IRGM: variants seen among roughly 807,000 people sequenced by gnomAD.
IRGM encodes the protein immunity related GTPase M.
For synonymous variants in IRGM, 98 were observed against 80.6 expected, an observed-to-expected ratio of 1.22 and a Z score of -1.16; for missense variants, 288 against 219.9, an observed-to-expected ratio of 1.31 and a Z score of -1.96.
intron 1 of IRGM, among the ~76,000 whole-genome samples, chr5:150,861,388 G>A (rs1754133829): frequency 6.6e-6 from 1 of 152,148 alleles, no homozygotes; most frequent in Non-Finnish European, 1.5e-5. Flanking sequence ...TCTTTTTAAG[G>A]CTTAGGACAG....
chr5:150,864,039 T>G (rs953605584), intron 1 of IRGM, among the ~76,000 whole-genome samples: 1 of 152,152 alleles, frequency 6.6e-6, no homozygotes, highest in Non-Finnish European at 1.5e-5. Flanking sequence ...TCTTAGCCCC[T>G]GGCTGTACTT....
At chr5:150,857,773 G>A (rs1411035466) in intron 1 of IRGM, among the ~76,000 whole-genome samples, 1 of 152,142 alleles carries the variant, frequency 6.6e-6, no homozygotes, top group African/African-American at 2.4e-5. Context: ...TTTTGATGGG[G>A]TTGTTTGTTT....
intron 3 of IRGM, chr5:150,897,387 CATCT>C (rs1255372818): frequency 1.3e-5 from 2 of 159,004 alleles, no homozygotes; most frequent in East Asian, 3.7e-4. Context: ...AACTCTCCTC[CATCT>C]ATTTTCCTAA....
At chr5:150,849,530 TTAAAAG>T (rs1185225523), downstream of IRGM, among the ~76,000 whole-genome samples, 1 of 152,068 alleles carries the variant, frequency 6.6e-6, no homozygotes, top group East Asian at 1.9e-4. Context: ...AATGTTTTAG[TTAAAAG>T]TAAAATGATC....
chr5:150,862,039 G>T (rs1336351340), intron 1 of IRGM, among the ~76,000 whole-genome samples: 2 of 152,218 alleles, frequency 1.3e-5, no homozygotes, highest in Admixed American at 1.3e-4. Context: ...CTATGATGAA[G>T]TTCCCAGCCA....
At chr5:150,867,823 ATTAT>A (rs1444667309) in intron 1 of IRGM, among the ~76,000 whole-genome samples, 1 of 147,436 alleles carries the variant, frequency 6.8e-6, no homozygotes, top group African/African-American at 2.6e-5. Context: ...TATTGATGGG[ATTAT>A]TTGTTTTTTT....
rs147454150 is a variant in IRGM at position 150,885,972 on chromosome 5, C to G, written c.*140+6326C>G. On this transcript the variant is annotated intron_variant and NMD_transcript_variant, in intron 3 of 3. Transcript: ENST00000520549. ...GTTGAAGAGTGGTGAGAGAGGGTAT[C>G]CTGTCTTGTGCCAGTTTTCAAGGAA... Among the ~76,000 whole-genome samples, 152 of 152,150 alleles carry G rather than the reference C, an allele frequency of 1.0e-3. 1 individual carries two copies. Among genetic ancestry groups the G allele is most frequent in the African/African-American group, 3.5e-3 (146 of 41,534 alleles).
At chr5:150,850,737 G>A (rs1161911911), downstream of IRGM, among the ~76,000 whole-genome samples, 1 of 152,050 alleles carries the variant, frequency 6.6e-6, no homozygotes, top group Non-Finnish European at 1.5e-5. Flanking sequence ...AAATTTTTTT[G>A]TAGAGACAAG....
chr5:150,869,867 C>G (rs1005255810), intron 1 of IRGM, among the ~76,000 whole-genome samples: 6 of 152,138 alleles, frequency 3.9e-5, no homozygotes, highest in Admixed American at 6.5e-5. Context: ...GTAAGAGGAT[C>G]AGCTTTGATT....
intron 3 of IRGM, among the ~76,000 whole-genome samples, chr5:150,893,505 T>G (rs1754652693): frequency 6.6e-6 from 1 of 152,178 alleles, no homozygotes; most frequent in South Asian, 2.1e-4. Context: ...GAAAAACTGA[T>G]GTAATTTTGT....
intron 3 of IRGM, among the ~76,000 whole-genome samples, chr5:150,891,224 T>C (rs1180046516): frequency 1.3e-5 from 2 of 152,092 alleles, no homozygotes; most frequent in African/African-American, 4.8e-5. Flanking sequence ...TCCTGAAATA[T>C]ATTTTATCTG....
intron 3 of IRGM, chr5:150,896,011 C>T (rs1754756053): frequency 6.2e-6 from 10 of 1,613,442 alleles, no homozygotes; most frequent in East Asian, 4.5e-5. Context: ...TCGGTACACT[C>T]ATACGGCTTC....
intron 3 of IRGM, chr5:150,896,198 G>A: frequency 1.2e-6 from 2 of 1,613,508 alleles, no homozygotes; most frequent in Non-Finnish European, 1.7e-6. Flanking sequence ...TTTCCCCAGT[G>A]TGAACTCTCT....
Position 150,872,246 on chromosome 5 carries a change from G to A in IRGM, c.159-5734G>A, listed in dbSNP as rs139196637. 1.7e-3 allele frequency among the ~76,000 whole-genome samples: 261 copies of A among 152,274 alleles called. 1 individual carries two copies. Among genetic ancestry groups the A allele is most frequent in the Admixed American group, 5.7e-3 (87 of 15,300 alleles). On this transcript the variant is annotated intron_variant and NMD_transcript_variant, in intron 1 of 3. Transcript: ENST00000520549. Reference sequence around the variant, plus strand: ...TGGGGACACTGAATTTGTAAATTCCGATGAGCCTTTTTTTGCCAGAAGAAA... The same window carrying A: ...TGGGGACACTGAATTTGTAAATTCCAATGAGCCTTTTTTTGCCAGAAGAAA...
chr5:150,900,424 A>G (rs1487257895), intron 3 of IRGM, among the ~76,000 whole-genome samples: 1 of 152,018 alleles, frequency 6.6e-6, no homozygotes, highest in Non-Finnish European at 1.5e-5. Flanking sequence ...ATTTAAGCCT[A>G]TTACCTACTT....
intron 3 of IRGM, among the ~76,000 whole-genome samples, chr5:150,879,849 T>A (rs1754419491): frequency 6.6e-6 from 1 of 152,196 alleles, no homozygotes; most frequent in African/African-American, 2.4e-5. Context: ...TTCAGCTGAG[T>A]ACCAGATAAA....
downstream of IRGM, among the ~76,000 whole-genome samples, chr5:150,849,507 T>C (rs185672371): frequency 1.4e-3 from 218 of 152,160 alleles, 2 homozygotes; most frequent in Middle Eastern, 6.8e-3. Flanking sequence ...TTATATTTAG[T>C]GTTATTGGAC....
In IRGM at chr5:150,846,813, A is replaced by G. The variant is rs1218846771; in HGVS notation, c.-823A>G. 2.0e-5 allele frequency: 3 copies of G among 153,718 alleles called. No homozygotes were observed. The highest frequency in any genetic ancestry group is 2.9e-5 in the Non-Finnish European group (2 of 69,302). 9.5% of individuals were successfully genotyped at this position (153,718 alleles called of 1,614,324 possible). A position where few individuals can be genotyped will look rare whatever the true frequency, so the allele number is the denominator to read the frequency against. Reference sequence around the variant, plus strand: ...CCACCGGAAGGAAGAAACTCTGAACACATCCAAACATCAGAAGGAACAAAC... The same window carrying G: ...CCACCGGAAGGAAGAAACTCTGAACGCATCCAAACATCAGAAGGAACAAAC... On this transcript the variant is annotated 5_prime_UTR_variant, in exon 1 of 2. Transcript: ENST00000522154.
chr5:150,863,404 C>T (rs574344268), intron 1 of IRGM, among the ~76,000 whole-genome samples: 12 of 151,970 alleles, frequency 7.9e-5, no homozygotes, highest in South Asian at 4.1e-4. Context: ...ATGTTCTATT[C>T]GAGGCTGATG....
Sources: allele counts gnomAD v4.1 joint callset (sites outside exome capture counted in the v4.1 genomes callset), GRCh38; gene constraint gnomAD v4.1.1; transcripts MANE v1.5; gene names NCBI Gene and HGNC (gene_info 2026-07-23, HGNC 2026-07-21).